Variants in ZNF839 observed in about 807,000 individuals in gnomAD.
The protein encoded by ZNF839 is zinc finger protein 839.
ZNF839 carries 38 observed loss-of-function variants against 56.4 expected under a neutral mutation model. The observed-to-expected ratio is 0.67, with a 90% confidence interval of 0.52 to 0.88. The LOEUF is 0.88. ZNF839 is among the 40% of genes least tolerant of loss of function. ZNF839 has a pLI of 0.00. For synonymous variants in ZNF839, 486 were observed against 493.5 expected (o/e 0.98, Z 0.20); for missense variants, 1,091 against 1,177.6 (o/e 0.93, Z 1.08).
chr14:102,321,400 G>A (rs2073121033), intron 1 of ZNF839, among the ~76,000 whole-genome samples: 1 of 152,194 alleles, frequency 6.6e-6, no homozygotes, highest in Non-Finnish European at 1.5e-5. Context: ...TGCTGAATAT[G>A]GCCACAGCTT....
intron 1 of ZNF839, among the ~76,000 whole-genome samples, chr14:102,324,821 G>T (rs369259695): frequency 6.6e-6 from 1 of 151,808 alleles, no homozygotes; most frequent in Non-Finnish European, 1.5e-5. Flanking sequence ...GTGGTGGTAC[G>T]TGCCTGTAAT....
rs963989257 is a variant in ZNF839 at position 102,331,863 on chromosome 14, C to T, written c.1416+17C>T. 2 of 1,536,760 alleles carry T rather than the reference C, an allele frequency of 1.3e-6. No homozygotes were observed. The highest frequency in any genetic ancestry group is 2.4e-5 in the East Asian group (1 of 41,272). On this transcript the variant is annotated intron_variant, in intron 3 of 7. Transcript: ENST00000442396. ...CTCAAGGAGGTACCTCACTCTTAAA[C>T]CCTGTGCTTGAAACCCGTGTCTTTA...
intron 7 of ZNF839, among the ~76,000 whole-genome samples, chr14:102,339,476 G>A (rs1886244799): frequency 6.6e-6 from 1 of 152,160 alleles, no homozygotes; most frequent in Admixed American, 6.6e-5. Flanking sequence ...CAGGTGCAGT[G>A]GCTCACGCCT....
chr14:102,329,010 G>A (rs983983651), intron 2 of ZNF839, among the ~76,000 whole-genome samples: 5 of 147,094 alleles, frequency 3.4e-5, no homozygotes, highest in South Asian at 2.1e-4. Flanking sequence ...TTGCTCTGTC[G>A]CCAGGCTGGA....
chr14:102,330,534 CTTT>C (rs562581331), intron 2 of ZNF839, among the ~76,000 whole-genome samples: 8 of 126,174 alleles, frequency 6.3e-5, no homozygotes, highest in Admixed American at 8.2e-5. Flanking sequence ...GCTCCCCGCT[CTTT>C]TTTTTTTTTT....
At chr14:102,323,923 A>G (rs2073266716) in intron 1 of ZNF839, among the ~76,000 whole-genome samples, 2 of 152,226 alleles carry the variant, frequency 1.3e-5, no homozygotes, top group South Asian at 4.1e-4. Context: ...ACGAAGCAAA[A>G]TGAAGTAAAG....
intron 1 of ZNF839, among the ~76,000 whole-genome samples, chr14:102,321,433 G>A (rs1216185805): frequency 6.6e-6 from 1 of 152,232 alleles, no homozygotes; most frequent in African/African-American, 2.4e-5. Context: ...ATCCAAAAAT[G>A]ACATATTTTT....
At chr14:102,328,505 C>T (rs2073593848) in intron 2 of ZNF839, among the ~76,000 whole-genome samples, 1 of 149,120 alleles carries the variant, frequency 6.7e-6, no homozygotes, top group African/African-American at 2.5e-5. Context: ...GGGTATTAAA[C>T]ACATTCACAG....
rs959999154 is a variant in ZNF839, at chr14:102,319,830, C to T, written c.65C>T (p.Ala22Val). 8 of 1,233,206 alleles carry T rather than the reference C, an allele frequency of 6.5e-6. No homozygotes were observed. In the African/African-American group the frequency reaches 9.4e-5, roughly 14 times the overall value. 76.4% of individuals were successfully genotyped at this position (1,233,206 alleles called of 1,614,324 possible). ...SEDGGGGGGP[A>V]PPGQSGSVAR... is the part of the protein sequence containing the mutation. ...GATGGCGGCGGCGGCGGCGGCCCGG[C>T]TCCTCCGGGCCAGAGCGGCAGCGTC... Residue 22 changes from alanine (A) to valine (V), a missense_variant, in exon 1 of 8, where the codon GCT becomes GTT. Ala to Val is a moderately conservative substitution (Grantham distance 64). Coordinates refer to ENST00000442396, the MANE Select transcript of ZNF839 (RefSeq NM_018335.6). This position sits in a 1 kb window ranked among gnomAD's most constrained non-coding sequence, Gnocchi z 4.5.
chr14:102,325,840 T>G (rs1432364721), intron 1 of ZNF839, 145 bp from the exon 2 acceptor site: 1 of 980,218 alleles, frequency 1.0e-6, no homozygotes, highest in Non-Finnish European at 1.5e-6. Flanking sequence ...AAATACCACC[T>G]TAGTACAAAC....
At position 102,339,176 on chromosome 14, in the gene ZNF839, A is replaced by G; in HGVS notation, c.1880A>G (p.Asn627Ser). Residue 627 changes from asparagine (N) to serine (S), a missense_variant, in exon 7 of 8, where the codon AAC (asparagine) becomes AGC (serine). This residue lies in a region of ZNF839 where 431 missense variants were observed against 468.0 expected (regional missense o/e 0.92). Coordinates refer to ENST00000442396, the MANE Select transcript of ZNF839 (RefSeq NM_018335.6). ...GATACCACTGAATCTCTTGCTGCCA[A>G]CAGCAGAGGCCGGGAGAAGCCCAGG... ...SNDTTESLAA[N>S]SRGREKPRPL... The G allele has an allele frequency of 6.2e-7, 1 of 1,612,798 alleles. No individual in the cohort carries two copies. The highest frequency in any genetic ancestry group is 8.5e-7 in the Non-Finnish European group (1 of 1,179,364).
rs2073412309 is a variant in ZNF839 at position 102,326,415 on chromosome 14, T to TA, written c.726dup (p.Ser243IlefsTer18). 2.5e-6 allele frequency: 4 copies of TA among 1,613,460 alleles called. No individual in the cohort carries two copies. The highest frequency in any genetic ancestry group is 3.3e-5 in the Admixed American group (2 of 59,908). On this transcript the variant is annotated frameshift_variant, in exon 2 of 8. Coordinates refer to ENST00000442396, the MANE Select transcript of ZNF839 (RefSeq NM_018335.6). LOFTEE classifies it high-confidence loss of function. This position sits in a 1 kb window ranked among gnomAD's most constrained non-coding sequence, Gnocchi z 4.3. ...TTGCATACAAGACATACTGAGAAAC[T>TA]AAAAAAATCGTTAAAAGTAAAGACA... is the stretch of plus-strand genomic sequence containing the variant.
intron 2 of ZNF839, 134 bp downstream of exon 2, chr14:102,327,021 G>A (rs541103192): frequency 6.1e-5 from 66 of 1,085,712 alleles, no homozygotes; most frequent in Middle Eastern, 3.1e-4. Context: ...AGGAAGCATG[G>A]TGCTGGCATC....
At chr14:102,319,622 C>A, upstream of ZNF839, 1 of 1,171,596 alleles carries the variant, frequency 8.5e-7, no homozygotes, top group Non-Finnish European at 1.1e-6. This position sits in a 1 kb window ranked among gnomAD's most constrained non-coding sequence, Gnocchi z 4.5. Context: ...GGGCGGGGCA[C>A]TCCACGACTT....
Position 102,335,712 on chromosome 14 carries a change from G to A in ZNF839, c.1533G>A (p.Lys511=). Residue 511 remains lysine, a synonymous_variant, in exon 5 of 8, where the codon AAG becomes AAA. Transcript: ENST00000442396. The part of the protein sequence containing the change: ...LMKVEKDHLA[K]PFFPAIYKEF... ...AGGTTGAAAAAGATCATCTAGCAAA[G>A]CCTTTTTTCCCAGCTATATATAAGG... is the stretch of plus-strand genomic sequence containing the variant. 4 of 1,596,990 alleles carry A rather than the reference G, an allele frequency of 2.5e-6. No individual in the cohort carries two copies. Among genetic ancestry groups the A allele is most frequent in the Non-Finnish European group, 3.4e-6 (4 of 1,178,790 alleles).
chr14:102,319,827 C>T lies in ZNF839; in HGVS notation c.62C>T (p.Pro21Leu). 3 of 1,226,074 alleles carry T rather than the reference C, an allele frequency of 2.4e-6. No homozygotes were observed. The highest frequency in any genetic ancestry group is 3.0e-6 in the Non-Finnish European group (3 of 985,002). 75.9% of individuals were successfully genotyped at this position (1,226,074 alleles called of 1,614,324 possible). Reference sequence around the variant, plus strand: ...GAGGATGGCGGCGGCGGCGGCGGCCCGGCTCCTCCGGGCCAGAGCGGCAGC... The same window carrying T: ...GAGGATGGCGGCGGCGGCGGCGGCCTGGCTCCTCCGGGCCAGAGCGGCAGC... ...GSEDGGGGGG[P>L]APPGQSGSVA... The change falls in exon 1 of 8, where the codon CCG (proline) becomes CTG (leucine). Residue 21 changes from proline to leucine, a missense_variant. By Grantham distance (98) the Pro-to-Leu change is moderately conservative. This residue lies in a region of ZNF839 where 614 missense variants were observed against 629.2 expected (regional missense o/e 0.98). Coordinates refer to ENST00000442396, the MANE Select transcript of ZNF839 (RefSeq NM_018335.6). The surrounding 1 kb of genome is among the most constrained non-coding windows in gnomAD (Gnocchi z 4.5).
At chr14:102,321,257 C>T (rs529136503) in intron 1 of ZNF839, among the ~76,000 whole-genome samples, 4 of 152,160 alleles carry the variant, frequency 2.6e-5, no homozygotes, top group East Asian at 3.9e-4. Flanking sequence ...TGTGCGGGGC[C>T]GCTCAGTTTT....
chr14:102,330,659 A>G (rs913953820), intron 2 of ZNF839, among the ~76,000 whole-genome samples: 1 of 149,986 alleles, frequency 6.7e-6, no homozygotes, highest in Non-Finnish European at 1.5e-5. Context: ...CTCAGCCTTC[A>G]GGTGTGCACC....
chr14:102,338,578 C>T (rs940795865), intron 5 of ZNF839, among the ~76,000 whole-genome samples: 6 of 150,696 alleles, frequency 4.0e-5, no homozygotes, highest in African/African-American at 1.5e-4. Context: ...TTGGTCTCCT[C>T]CTCTAAATTG....
Sources: allele counts gnomAD v4.1 joint callset (sites outside exome capture counted in the v4.1 genomes callset), GRCh38; gene constraint gnomAD v4.1.1; regional missense constraint gnomAD v4.1.1; non-coding constraint Gnocchi (gnomAD v3.1); transcripts MANE v1.5; gene names NCBI Gene and HGNC (gene_info 2026-07-23, HGNC 2026-07-21).